Variants in SYNE1 observed in about 807,000 individuals in gnomAD.
SYNE1 encodes the protein spectrin repeat containing nuclear envelope protein 1.
Under a neutral mutation model 1,111.0 loss-of-function variants are expected in SYNE1, and 616 were observed. The observed-to-expected ratio is 0.55, with a 90% CI of 0.52 to 0.59. The LOEUF is 0.59. SYNE1 is among the 20% of genes least tolerant of loss of function. SYNE1 has a pLI of 0.00. For synonymous variants in SYNE1, 3,855 were observed against 3,825.8 expected, an observed-to-expected ratio of 1.01 and a Z score of -0.28; for missense variants, 10,006 against 10,417.0, an observed-to-expected ratio of 0.96 and a Z score of 1.72.
intron 59 of SYNE1, among the ~76,000 whole-genome samples, chr6:152,370,471 A>G (rs1401631000): frequency 6.6e-6 from 1 of 152,246 alleles, no homozygotes; most frequent in African/African-American, 2.4e-5. Flanking sequence ...ATTCTGATTT[A>G]TCAAGTGATA....
At chr6:152,458,571 T>A (rs568276013) in intron 22 of SYNE1, among the ~76,000 whole-genome samples, 186 bp downstream of exon 22, 1 of 152,180 alleles carries the variant, frequency 6.6e-6, no homozygotes, top group Non-Finnish European at 1.5e-5. Context: ...ACAGCTCACA[T>A]AGCCCCTGCA....
rs568416369 is a variant in SYNE1 at position 152,542,580 on chromosome 6, A to G, written c.68-2559T>C. 2.4e-4 allele frequency among the ~76,000 whole-genome samples: 37 copies of G among 152,246 alleles called. No individual in the cohort carries two copies. In the South Asian group the frequency reaches 7.5e-3, roughly 31 times the overall value. ...GCAACTATTATAATGCCCATTTTAC[A>G]TATAAAACTGTCAAGACACTGAACT... On this transcript the variant is annotated intron_variant, in intron 3 of 145. Coordinates refer to ENST00000367255, the MANE Select transcript of SYNE1 (RefSeq NM_182961.4).
chr6:152,253,493 T>C (rs369440701), intron 104 of SYNE1, among the ~76,000 whole-genome samples: 108 of 152,274 alleles, frequency 7.1e-4, no homozygotes, highest in African/African-American at 2.5e-3. Flanking sequence ...CCAAGGTTCA[T>C]GGAAGTCAAG....
At chr6:152,517,378 C>T (rs1207072590) in intron 6 of SYNE1, among the ~76,000 whole-genome samples, 1 of 152,100 alleles carries the variant, frequency 6.6e-6, no homozygotes, top group Non-Finnish European at 1.5e-5. Context: ...TTAGAAAAGG[C>T]TAAATGTAAG....
rs866740195 is a variant in SYNE1, at chr6:152,404,136, C to G, written c.6825+77G>C. ...ATATATACACACACACACACACACA[C>G]AGAGACAGAGAAAGTCTAGTATATG... On this transcript the variant is annotated intron_variant, in intron 46 of 145. Coordinates refer to ENST00000367255, the MANE Select transcript of SYNE1 (RefSeq NM_182961.4). 81 of 917,940 alleles carry G rather than the reference C, an allele frequency of 8.8e-5. 2 individuals carry two copies. In the Middle Eastern group the frequency reaches 3.6e-3, roughly 41 times the overall value. The allele number at this position is 917,940 out of a possible 1,614,324, so 56.9% of individuals were successfully genotyped here.
At chr6:152,159,942 A>C (rs2062115631) in intron 131 of SYNE1, among the ~76,000 whole-genome samples, 1 of 152,104 alleles carries the variant, frequency 6.6e-6, no homozygotes. Context: ...GGTAATAATC[A>C]CTGTTCTCAT....
At chr6:152,491,660 G>C (rs995359159) in intron 11 of SYNE1, among the ~76,000 whole-genome samples, 1 of 152,134 alleles carries the variant, frequency 6.6e-6, no homozygotes, top group Non-Finnish European at 1.5e-5. Context: ...TGAAAAATGT[G>C]CAAATGGTCT....
chr6:152,585,129 T>TC (rs34281189), intron 3 of SYNE1, among the ~76,000 whole-genome samples: 3,293 of 152,262 alleles, frequency 0.022, 129 homozygotes, highest in African/African-American at 0.075. Context: ...GAGGGGCTTT[T>TC]CCCCTATTGC....
intron 11 of SYNE1, among the ~76,000 whole-genome samples, chr6:152,488,812 T>C (rs932939449): frequency 1.3e-5 from 2 of 151,816 alleles, no homozygotes; most frequent in Non-Finnish European, 2.9e-5. Flanking sequence ...ATAAGAGTAA[T>C]AGCTGGAGTA....
chr6:152,215,173 G>A (rs544432726), intron 121 of SYNE1, 113 bp from the exon 122 acceptor site: 15 of 1,222,874 alleles, frequency 1.2e-5, no homozygotes, highest in Non-Finnish European at 1.8e-5. Flanking sequence ...CGGTCTAGTG[G>A]CCTCTGCATT....
At chr6:152,566,896 A>G (rs1193396026) in intron 3 of SYNE1, among the ~76,000 whole-genome samples, 1 of 152,140 alleles carries the variant, frequency 6.6e-6, no homozygotes, top group Non-Finnish European at 1.5e-5. Context: ...GTTATTGTAT[A>G]TATTTAAGTT....
intron 140 of SYNE1, among the ~76,000 whole-genome samples, chr6:152,138,552 T>C (rs565936579): frequency 7.4e-6 from 1 of 135,882 alleles, no homozygotes; most frequent in African/African-American, 2.7e-5. Flanking sequence ...AATAAATAAA[T>C]AAATAAAATA....
At chr6:152,586,103 T>G (rs2099537785) in intron 3 of SYNE1, among the ~76,000 whole-genome samples, 1 of 152,186 alleles carries the variant, frequency 6.6e-6, no homozygotes, top group South Asian at 2.1e-4. Context: ...ATGTCTAAAT[T>G]ACTATGGTTG....
Position 152,221,564 on chromosome 6 carries a change from C to T in SYNE1, c.21523-5G>A, listed in dbSNP as rs768246724. 1.2e-6 allele frequency: 2 copies of T among 1,613,014 alleles called. No homozygotes were observed. Among genetic ancestry groups the T allele is most frequent in the South Asian group, 2.2e-5 (2 of 91,052 alleles). On this transcript the variant is annotated splice_polypyrimidine_tract_variant and splice_region_variant and intron_variant, in intron 117 of 145. Transcript: ENST00000367255. ...TTCCAGATCATCTTGGAGATTCTGC[C>T]CCAAAAAAAAGACCCATAGATGACA... is the stretch of plus-strand genomic sequence containing the variant.
chr6:152,573,028 A>G (rs2099472488), intron 3 of SYNE1, among the ~76,000 whole-genome samples: 2 of 152,172 alleles, frequency 1.3e-5, no homozygotes, highest in Non-Finnish European at 2.9e-5. Flanking sequence ...TGCTCGAATT[A>G]GATAACACCT....
At chr6:152,456,490 C>CTATA (rs139681123) in intron 22 of SYNE1, among the ~76,000 whole-genome samples, 23,618 of 147,878 alleles carry the variant, frequency 0.16, 2,278 homozygotes, top group East Asian at 0.42. Flanking sequence ...AAGAGATGCA[C>CTATA]TATATATATA....
intron 105 of SYNE1, among the ~76,000 whole-genome samples, chr6:152,247,678 T>G (rs1716436551): frequency 6.7e-6 from 1 of 148,946 alleles, no homozygotes; most frequent in South Asian, 2.1e-4. Flanking sequence ...CAGACCAGCC[T>G]GGGCAACAAA....
chr6:152,221,781 C>A (rs560957874), intron 117 of SYNE1, among the ~76,000 whole-genome samples: 19 of 152,240 alleles, frequency 1.2e-4, no homozygotes, highest in African/African-American at 4.6e-4. Context: ...AGCAATGAAG[C>A]CTTCTTCTAT....
chr6:152,339,889 CT>C (rs1185458298), intron 74 of SYNE1, among the ~76,000 whole-genome samples: 1 of 152,176 alleles, frequency 6.6e-6, no homozygotes, highest in East Asian at 1.9e-4. Flanking sequence ...GATCTTTAAT[CT>C]ATTTATAGAA....
Sources: allele counts gnomAD v4.1 joint callset (sites outside exome capture counted in the v4.1 genomes callset), GRCh38; gene constraint gnomAD v4.1.1; transcripts MANE v1.5; gene names NCBI Gene and HGNC (gene_info 2026-07-23, HGNC 2026-07-21).